Variants in TXNDC9 observed in about 807,000 individuals in gnomAD.
TXNDC9 encodes thioredoxin domain containing 9.
A neutral mutation model predicts 23.0 loss-of-function variants in TXNDC9; 7 were observed. The observed-to-expected ratio is 0.30, with a 90% CI of 0.17 to 0.57. The LOEUF is 0.57. Among genes scored for constraint, TXNDC9 ranks in the 20% least tolerant of loss-of-function variants. TXNDC9 has a pLI of 0.90. For synonymous variants in TXNDC9, 72 were observed against 90.6 expected, an observed-to-expected ratio of 0.79 and a Z score of 1.17; for missense variants, 198 against 252.6, an observed-to-expected ratio of 0.78 and a Z score of 1.47.
At chr2:99,331,365 C>T (rs561478730) in intron 2 of TXNDC9, among the ~76,000 whole-genome samples, 116 of 151,930 alleles carry the variant, frequency 7.6e-4, no homozygotes, top group African/African-American at 2.7e-3. Context: ...CATTTGAGGT[C>T]GGAATTTGAG....
intron 3 of TXNDC9, among the ~76,000 whole-genome samples, chr2:99,324,740 A>G (rs2105321818): frequency 6.6e-6 from 1 of 152,064 alleles, no homozygotes; most frequent in South Asian, 2.1e-4. Flanking sequence ...TGCCTGGCTA[A>G]TTTTAATTTG....
At chr2:99,321,888 A>C in intron 4 of TXNDC9, 67 bp downstream of exon 4, 3 of 1,430,856 alleles carry the variant, frequency 2.1e-6, no homozygotes, top group Non-Finnish European at 2.8e-6. Flanking sequence ...TTACAATACA[A>C]AAATCTTTTG....
Position 99,336,325 on chromosome 2 carries a change from G to A in TXNDC9, c.-119C>T. ...CGGCTTTTGCCTTGCAGTAGCTGCC[G>A]GCGGCTGCAAACGGGCCGTCACATC... On this transcript the variant is annotated 5_prime_UTR_variant, in exon 1 of 5. Coordinates refer to ENST00000264255, the MANE Select transcript of TXNDC9 (RefSeq NM_005783.4). 1.0e-6 allele frequency: 1 copy of A among 985,486 alleles called. No homozygotes were observed. Among genetic ancestry groups the A allele is most frequent in the Non-Finnish European group, 1.2e-6 (1 of 829,978 alleles). The allele number at this position is 985,486 out of a possible 1,614,324, so 61.0% of individuals were successfully genotyped here.
intron 3 of TXNDC9, among the ~76,000 whole-genome samples, chr2:99,323,595 G>A (rs1006606691): frequency 2.0e-5 from 3 of 151,734 alleles, no homozygotes; most frequent in Admixed American, 6.6e-5. Flanking sequence ...AATTAGCTGG[G>A]CGTCATGATG....
At chr2:99,333,290 G>C in intron 1 of TXNDC9, 48 bp from the exon 2 acceptor site, 1 of 1,469,224 alleles carries the variant, frequency 6.8e-7, no homozygotes, top group South Asian at 1.4e-5. Flanking sequence ...CAAACAATAA[G>C]CAAGGTTTTC....
chr2:99,322,595 G>C (rs2094205139), intron 3 of TXNDC9: 1 of 1,537,424 alleles, frequency 6.5e-7, no homozygotes, highest in Non-Finnish European at 8.7e-7. Flanking sequence ...GCCATATTTG[G>C]AAGTCATGAA....
chr2:99,310,089 G>A, the TXNDC9 span, among the ~76,000 whole-genome samples: 1 of 152,194 alleles, frequency 6.6e-6, no homozygotes, highest in Admixed American at 6.5e-5. Flanking sequence ...TAAAATATTT[G>A]TGAAAGATCA....
intron 1 of TXNDC9, 71 bp downstream of exon 1, chr2:99,336,167 AT>A: frequency 1.0e-6 from 1 of 979,714 alleles, no homozygotes; most frequent in Non-Finnish European, 1.2e-6. Flanking sequence ...TCCGCTCCGG[AT>A]GTGGAGCAGC....
the TXNDC9 span, among the ~76,000 whole-genome samples, chr2:99,309,687 T>G: frequency 1.8e-4 from 28 of 152,072 alleles, no homozygotes; most frequent in African/African-American, 6.3e-4. Flanking sequence ...ATTTCTTTTT[T>G]CTTTTTGCTT....
At chr2:99,331,919 A>G (rs1174373879) in intron 2 of TXNDC9, among the ~76,000 whole-genome samples, 1 of 151,998 alleles carries the variant, frequency 6.6e-6, no homozygotes, top group Non-Finnish European at 1.5e-5. Flanking sequence ...TTGTAGAGAC[A>G]GGGTTTCACC....
rs752270927 is a variant in TXNDC9 at position 99,322,126 on chromosome 2, G to A, written c.392C>T (p.Ala131Val). Reference sequence around the variant, plus strand: ...ATGCAGTCTCTCACAAAGGAAAGGTGCTTTTTCCACATTCAGCTTCAAAAA... The same window carrying A: ...ATGCAGTCTCTCACAAAGGAAAGGTACTTTTTCCACATTCAGCTTCAAAAA... ...TKFLKLNVEK[A>V]PFLCERLHIK... The change falls in exon 4 of 5, where the codon GCA becomes GTA. Residue 131 changes from alanine (A) to valine (V), a missense_variant. Ala to Val is a moderately conservative substitution (Grantham distance 64). Coordinates refer to ENST00000264255, the MANE Select transcript of TXNDC9 (RefSeq NM_005783.4). 1.9e-6 allele frequency: 3 copies of A among 1,614,114 alleles called. No homozygotes were observed. Among genetic ancestry groups the A allele is most frequent in the African/African-American group, 1.3e-5 (1 of 75,052 alleles).
downstream of TXNDC9, among the ~76,000 whole-genome samples, chr2:99,318,180 C>T (rs186441448): frequency 7.2e-5 from 11 of 152,274 alleles, no homozygotes; most frequent in Middle Eastern, 0.014. Context: ...TGTGAGCCAC[C>T]GTGCCAGGCT....
chr2:99,308,663 C>G, the TXNDC9 span, among the ~76,000 whole-genome samples: 3 of 151,572 alleles, frequency 2.0e-5, no homozygotes, highest in Admixed American at 6.6e-5. Context: ...CGATGTGATT[C>G]AACTGGAAAG....
At chr2:99,336,040 G>T (rs1285157178) in intron 1 of TXNDC9, among the ~76,000 whole-genome samples, 199 bp downstream of exon 1, 3 of 152,192 alleles carry the variant, frequency 2.0e-5, no homozygotes, top group Non-Finnish European at 4.4e-5. Flanking sequence ...CACTCCCTGC[G>T]CCCGGGGAAA....
chr2:99,327,451 C>A, intron 3 of TXNDC9, 84 bp downstream of exon 3: 1 of 953,462 alleles, frequency 1.0e-6, no homozygotes, highest in East Asian at 2.4e-5. Context: ...TAGTTTTCTT[C>A]ATTTCTCTAG....
At chr2:99,314,969 C>G (rs1574900483), downstream of TXNDC9, among the ~76,000 whole-genome samples, 1 of 148,774 alleles carries the variant, frequency 6.7e-6, no homozygotes, top group East Asian at 2.0e-4. Context: ...GATCTCGGCT[C>G]ACTGCAAGCT....
chr2:99,323,217 G>GCCAA (rs2094206396), intron 3 of TXNDC9, among the ~76,000 whole-genome samples: 1 of 151,408 alleles, frequency 6.6e-6, no homozygotes, highest in South Asian at 2.1e-4. Context: ...GACCAGCTTA[G>GCCAA]CCAACACGGT....
downstream of TXNDC9, among the ~76,000 whole-genome samples, chr2:99,317,994 G>T (rs533760015): frequency 6.6e-6 from 1 of 152,180 alleles, no homozygotes; most frequent in African/African-American, 2.4e-5. Context: ...GCGTTCAAGC[G>T]ATTCCCATGA....
At chr2:99,321,739 A>T in intron 4 of TXNDC9, 1 of 529,470 alleles carries the variant, frequency 1.9e-6, no homozygotes, top group Non-Finnish European at 3.2e-6. Flanking sequence ...ACTCAGTTTT[A>T]CCTATTAAAT....
Sources: gnomAD v4.1 joint callset for allele counts (sites outside exome capture counted in the v4.1 genomes callset) on GRCh38, gnomAD v4.1.1 for gene constraint, MANE v1.5 for transcripts, NCBI Gene and HGNC (gene_info 2026-07-23, HGNC 2026-07-21) for gene names.